Variants in TEAD1 observed in about 807,000 individuals in gnomAD.
The protein encoded by TEAD1 is transcriptional enhancer factor TEF-1.
In TEAD1, 9 loss-of-function variants were observed where a neutral mutation model predicts 54.9. That is an observed-to-expected ratio of 0.16 (90% CI 0.10 to 0.29). The LOEUF (loss-of-function observed/expected upper bound fraction) is 0.29, where lower values mean the gene tolerates loss of function less well. TEAD1 is among the 10% of genes least tolerant of loss of function. TEAD1 has a pLI of 1.00. For missense variants in TEAD1, 387 were observed against 535.9 expected, an observed-to-expected ratio of 0.72 and a Z score of 2.74; for synonymous variants, 200 against 187.8, an observed-to-expected ratio of 1.07 and a Z score of -0.53.
chr11:12,932,410 C>T (rs1212274206), intron 12 of TEAD1, among the ~76,000 whole-genome samples: 1 of 145,206 alleles, frequency 6.9e-6, no homozygotes, highest in African/African-American at 2.5e-5. Context: ...TTCCCTGCCT[C>T]TCTTGGGGGG....
At chr11:12,840,013 C>T (rs931290563) in intron 3 of TEAD1, among the ~76,000 whole-genome samples, 28 of 151,764 alleles carry the variant, frequency 1.8e-4, no homozygotes, top group African/African-American at 5.8e-4. Flanking sequence ...TTTGGGAGGC[C>T]GAGGCGGGTG....
At chr11:12,700,906 T>A (rs1487737270) in intron 2 of TEAD1, among the ~76,000 whole-genome samples, 1 of 152,186 alleles carries the variant, frequency 6.6e-6, no homozygotes, top group Non-Finnish European at 1.5e-5. Context: ...CACTGCAGAT[T>A]TTGTGGTCCT....
chr11:12,747,637 A>G (rs375009111), intron 2 of TEAD1, among the ~76,000 whole-genome samples: 7 of 152,180 alleles, frequency 4.6e-5, no homozygotes, highest in African/African-American at 9.7e-5. Flanking sequence ...CGCCTGGCCT[A>G]TTAGTTTTGT....
At chr11:12,854,487 G>A (rs936450550) in intron 3 of TEAD1, among the ~76,000 whole-genome samples, 12 of 152,190 alleles carry the variant, frequency 7.9e-5, no homozygotes, top group African/African-American at 1.7e-4. Context: ...ACCGAGAGGC[G>A]TAGGTTCCTG....
intron 10 of TEAD1, among the ~76,000 whole-genome samples, chr11:12,910,194 C>T (rs1948593135): frequency 1.3e-5 from 2 of 152,172 alleles, no homozygotes. Flanking sequence ...TCCCGAAGGA[C>T]AAAAACCCAA....
chr11:12,705,601 C>A (rs1943797027), intron 2 of TEAD1, among the ~76,000 whole-genome samples: 1 of 152,170 alleles, frequency 6.6e-6, no homozygotes, highest in Non-Finnish European at 1.5e-5. Flanking sequence ...TTTTATCTTA[C>A]ATTGTGAACA....
intron 2 of TEAD1, among the ~76,000 whole-genome samples, chr11:12,753,274 C>G (rs1168608214): frequency 1.3e-5 from 2 of 152,184 alleles, no homozygotes; most frequent in Non-Finnish European, 2.9e-5. Context: ...TCTTTAGCAT[C>G]TCTACCTGGG....
chr11:12,810,585 C>T (rs1440025908), intron 3 of TEAD1, among the ~76,000 whole-genome samples: 2 of 151,902 alleles, frequency 1.3e-5, no homozygotes, highest in Non-Finnish European at 2.9e-5. Context: ...GTTTTAGACT[C>T]GAGATTGCTA....
chr11:12,836,336 C>T (rs1946891685), intron 3 of TEAD1, among the ~76,000 whole-genome samples: 1 of 150,836 alleles, frequency 6.6e-6, no homozygotes. Flanking sequence ...AGGAGAATGG[C>T]GTGAACCGGG....
chr11:12,878,802 T>C (rs74237048), intron 5 of TEAD1: 4 of 461,768 alleles, frequency 8.7e-6, no homozygotes, highest in African/African-American at 4.3e-5. Context: ...TATATACACA[T>C]ATATATATGT....
At chr11:12,776,447 G>C (rs562112080) in intron 3 of TEAD1, among the ~76,000 whole-genome samples, 2 of 152,174 alleles carry the variant, frequency 1.3e-5, no homozygotes, top group Admixed American at 6.5e-5. Flanking sequence ...TAATGTTTTT[G>C]ATGGCCATGT....
At chr11:12,676,926 T>G (rs1943105547) in intron 2 of TEAD1, among the ~76,000 whole-genome samples, 1 of 152,242 alleles carries the variant, frequency 6.6e-6, no homozygotes, top group Non-Finnish European at 1.5e-5. Flanking sequence ...GTAGACTATT[T>G]TATTTTTACT....
chr11:12,796,071 C>T (rs147504058), intron 3 of TEAD1, among the ~76,000 whole-genome samples: 28 of 152,268 alleles, frequency 1.8e-4, no homozygotes, highest in Non-Finnish European at 2.1e-4. Context: ...TTTATTTCCA[C>T]AGTAGTGCAG....
intron 2 of TEAD1, among the ~76,000 whole-genome samples, chr11:12,744,955 C>A (rs938438297): frequency 6.6e-6 from 1 of 152,128 alleles, no homozygotes; most frequent in African/African-American, 2.4e-5. Flanking sequence ...TAATGTCCCT[C>A]CCTGAGCTGT....
intron 10 of TEAD1, among the ~76,000 whole-genome samples, chr11:12,911,927 G>A (rs1337205716): frequency 6.6e-6 from 1 of 151,828 alleles, no homozygotes; most frequent in Non-Finnish European, 1.5e-5. Flanking sequence ...TGTGTTCAGT[G>A]CTGCAATGTA....
intron 2 of TEAD1, among the ~76,000 whole-genome samples, chr11:12,741,441 C>G (rs1944647792): frequency 6.6e-6 from 1 of 152,128 alleles, no homozygotes; most frequent in South Asian, 2.1e-4. Context: ...TCCACACCAC[C>G]AGCAGCATAT....
rs1416711887 is a variant in TEAD1 at position 12,764,231 on chromosome 11, A to G, written c.-2A>G. 4.3e-6 allele frequency: 7 copies of G among 1,613,186 alleles called. No homozygotes were observed. The South Asian group carries it at 6.6e-5, about 15-fold the overall frequency. ...TTCGGCTTGGAAAATCCCACCGCCA[A>G]AATTGAGCCCAGCAGCTGGAGCGGC... On this transcript the variant is annotated 5_prime_UTR_variant, in exon 3 of 13. Transcript: ENST00000527636.
chr11:12,840,559 C>A (rs892236794), intron 3 of TEAD1, among the ~76,000 whole-genome samples: 1 of 152,102 alleles, frequency 6.6e-6, no homozygotes, highest in Non-Finnish European at 1.5e-5. Flanking sequence ...AATAAATGGC[C>A]GTGTCTTAGC....
At chr11:12,854,887 C>T (rs1255527939) in intron 3 of TEAD1, among the ~76,000 whole-genome samples, 1 of 151,912 alleles carries the variant, frequency 6.6e-6, no homozygotes, top group Non-Finnish European at 1.5e-5. Context: ...TGAGCCACTG[C>T]ACCCAGCTTG....
Sources: allele counts gnomAD v4.1 joint callset (sites outside exome capture counted in the v4.1 genomes callset), GRCh38; gene constraint gnomAD v4.1.1; transcripts MANE v1.5; gene names NCBI Gene and HGNC (gene_info 2026-07-23, HGNC 2026-07-21).